PIP4K2A: variants seen among roughly 807,000 people sequenced by gnomAD.
PIP4K2A encodes the protein phosphatidylinositol-5-phosphate 4-kinase type 2 alpha, also known as phosphatidylinositol 5-phosphate 4-kinase type-2 alpha.
Under a neutral mutation model 42.9 loss-of-function variants are expected in PIP4K2A, and 14 were observed. The observed-to-expected ratio is 0.33, with a 90% CI of 0.22 to 0.51. The LOEUF is 0.51. Among genes scored for constraint, PIP4K2A ranks in the 20% least tolerant of loss-of-function variants. The pLI is 0.97. For missense variants in PIP4K2A, 434 were observed against 519.8 expected, an observed-to-expected ratio of 0.83 and a Z score of 1.61; for synonymous variants, 192 against 192.2, an observed-to-expected ratio of 1.00 and a Z score of 0.01.
At chr10:22,573,190 C>T in intron 5 of PIP4K2A, 121 bp downstream of exon 5, 2 of 858,038 alleles carry the variant, frequency 2.3e-6, no homozygotes, top group South Asian at 1.6e-5. Flanking sequence ...TACACTGCTA[C>T]TTGTCTGGTA....
Position 22,540,043 on chromosome 10 carries a change from T to G in PIP4K2A, c.1068A>C (p.Ala356=), listed in dbSNP as rs897664769. The change falls in exon 9 of 10, where the codon GCA becomes GCC. Residue 356 remains alanine (A), a synonymous_variant. Coordinates refer to ENST00000376573, the MANE Select transcript of PIP4K2A (RefSeq NM_005028.5). ...NSPRKEVYFM[A]IIDILTHYDA... is the part of the protein sequence containing the mutation. ...CATAATGAGTAAGGATGTCAATAAT[T>G]GCCATGAAGTACACCTCCTTCCTAG... 3.7e-6 allele frequency: 6 copies of G among 1,611,540 alleles called. No homozygotes were observed. Among genetic ancestry groups the G allele is most frequent in the African/African-American group, 1.3e-5 (1 of 74,762 alleles).
chr10:22,568,355 C>A (rs1403781289), intron 5 of PIP4K2A, among the ~76,000 whole-genome samples: 1 of 152,184 alleles, frequency 6.6e-6, no homozygotes, highest in African/African-American at 2.4e-5. Context: ...CTTCTGTGGG[C>A]ACATCCTCAC....
At chr10:22,634,301 A>C (rs1838615400) in intron 1 of PIP4K2A, among the ~76,000 whole-genome samples, 1 of 152,190 alleles carries the variant, frequency 6.6e-6, no homozygotes, top group South Asian at 2.1e-4. Context: ...TTGCTATAGG[A>C]AACTGTAATG....
intron 6 of PIP4K2A, among the ~76,000 whole-genome samples, chr10:22,564,077 C>A (rs1836777378): frequency 2.0e-5 from 3 of 152,186 alleles, no homozygotes; most frequent in Admixed American, 2.0e-4. Context: ...GGACTAAACA[C>A]TTTTTGGTGA....
chr10:22,578,297 C>A (rs1049731403), intron 4 of PIP4K2A, among the ~76,000 whole-genome samples: 1 of 152,208 alleles, frequency 6.6e-6, no homozygotes, highest in East Asian at 1.9e-4. Flanking sequence ...TGCTCTGTAA[C>A]CCCCCATCCA....
At chr10:22,614,394 C>A (rs1379242118) in intron 1 of PIP4K2A, among the ~76,000 whole-genome samples, 2 of 152,142 alleles carry the variant, frequency 1.3e-5, no homozygotes, top group Non-Finnish European at 2.9e-5. Context: ...TTGAGTAGTG[C>A]GGCAGGATAC....
chr10:22,639,203 A>C (rs990320391), intron 1 of PIP4K2A, among the ~76,000 whole-genome samples: 1 of 152,176 alleles, frequency 6.6e-6, no homozygotes, highest in Non-Finnish European at 1.5e-5. Flanking sequence ...AATCCAAGGA[A>C]GCCAAGAAGG....
intron 4 of PIP4K2A, among the ~76,000 whole-genome samples, chr10:22,588,684 T>C (rs1837449910): frequency 1.3e-5 from 2 of 152,226 alleles, no homozygotes; most frequent in Admixed American, 6.5e-5. Context: ...AGTTCAGAGA[T>C]CATCCAAGAG....
chr10:22,554,777 G>C (rs1468747256), intron 6 of PIP4K2A, among the ~76,000 whole-genome samples: 1 of 152,208 alleles, frequency 6.6e-6, no homozygotes, highest in Non-Finnish European at 1.5e-5. Context: ...AGGGGACGAG[G>C]GTATGGGAGG....
intron 6 of PIP4K2A, among the ~76,000 whole-genome samples, chr10:22,551,859 C>T (rs1374172429): frequency 6.6e-6 from 1 of 152,204 alleles, no homozygotes; most frequent in East Asian, 1.9e-4. Context: ...TGAAAGAACA[C>T]TCCCTGGGTC....
intron 3 of PIP4K2A, among the ~76,000 whole-genome samples, chr10:22,592,237 T>C (rs1241569163): frequency 6.6e-6 from 1 of 152,184 alleles, no homozygotes; most frequent in Non-Finnish European, 1.5e-5. Flanking sequence ...ATGGTTACGA[T>C]TGCTATCATC....
Position 22,541,914 on chromosome 10 carries a change from G to T in PIP4K2A, c.926C>A (p.Pro309Gln), listed in dbSNP as rs746609921. The T allele has an allele frequency of 1.2e-5, 20 of 1,613,898 alleles. No individual in the cohort carries two copies. Among genetic ancestry groups the T allele is most frequent in the Non-Finnish European group, 1.6e-5 (19 of 1,179,974 alleles). Reference sequence around the variant, plus strand: ...GGGGCTATCTGGGGGGGTTCCCACCGGGTGGGTGCCATCGCTCTCGCCCTC... The same window carrying T: ...GGGGCTATCTGGGGGGGTTCCCACCTGGTGGGTGCCATCGCTCTCGCCCTC... ...EEEGESDGTH[P>Q]VGTPPDSPGN... Residue 309 changes from proline (P) to glutamine (Q), a missense_variant, in exon 8 of 10, where the codon CCG becomes CAG. Physicochemically the swap from Pro to Gln is moderately conservative, Grantham distance 76. Transcript: ENST00000376573.
At chr10:22,551,894 C>T (rs7089954) in intron 6 of PIP4K2A, among the ~76,000 whole-genome samples, 2,495 of 152,248 alleles carry the variant, frequency 0.016, 53 homozygotes, top group African/African-American at 0.055. Flanking sequence ...TTCACATGCT[C>T]GAACTGTTCA....
chr10:22,684,969 G>T (rs1461191731), intron 1 of PIP4K2A, among the ~76,000 whole-genome samples: 1 of 152,154 alleles, frequency 6.6e-6, no homozygotes, highest in Non-Finnish European at 1.5e-5. Flanking sequence ...GCTAGTAAGG[G>T]TTATTTTTAC....
chr10:22,613,181 C>T (rs1838095178), intron 1 of PIP4K2A, among the ~76,000 whole-genome samples: 1 of 152,028 alleles, frequency 6.6e-6, no homozygotes, highest in Admixed American at 6.6e-5. Flanking sequence ...TTGAACGGCA[C>T]AGGAGGTCCT....
intron 1 of PIP4K2A, among the ~76,000 whole-genome samples, chr10:22,693,742 G>C (rs1364311786): frequency 6.6e-6 from 1 of 151,958 alleles, no homozygotes; most frequent in Non-Finnish European, 1.5e-5. Context: ...CATAATTCTG[G>C]TCCTCGCTCT....
intron 1 of PIP4K2A, among the ~76,000 whole-genome samples, chr10:22,687,210 C>G (rs1297811582): frequency 6.6e-6 from 1 of 151,614 alleles, no homozygotes; most frequent in Non-Finnish European, 1.5e-5. Flanking sequence ...TCCTGAGACC[C>G]TGCCATTTGC....
chr10:22,560,224 C>A (rs1179496569), intron 6 of PIP4K2A, among the ~76,000 whole-genome samples: 1 of 152,114 alleles, frequency 6.6e-6, no homozygotes. Flanking sequence ...TTGACAACCC[C>A]CCTTTAACCG....
intron 1 of PIP4K2A, among the ~76,000 whole-genome samples, chr10:22,681,998 T>A (rs1839671944): frequency 6.9e-6 from 1 of 144,638 alleles, no homozygotes; most frequent in Admixed American, 6.8e-5. Context: ...TAGAAAACCA[T>A]TTTTTTTTTT....
Sources: gnomAD v4.1 joint callset for allele counts (sites outside exome capture counted in the v4.1 genomes callset) on GRCh38, gnomAD v4.1.1 for gene constraint, MANE v1.5 for transcripts, NCBI Gene and HGNC (gene_info 2026-07-23, HGNC 2026-07-21) for gene names.